Variants in SLC4A4 observed in about 807,000 individuals in gnomAD.
SLC4A4 encodes electrogenic sodium bicarbonate cotransporter 1.
SLC4A4 carries 27 observed loss-of-function variants against 111.5 expected under a neutral mutation model. The observed-to-expected ratio is 0.24, with a 90% CI of 0.18 to 0.33. The LOEUF (loss-of-function observed/expected upper bound fraction) is 0.33, where lower values mean the gene tolerates loss of function less well. Among genes scored for constraint, SLC4A4 ranks in the 10% least tolerant of loss-of-function variants. The pLI is 1.00. For synonymous variants in SLC4A4, 443 were observed against 463.4 expected, an observed-to-expected ratio of 0.96 and a Z score of 0.57; for missense variants, 909 against 1,315.5, an observed-to-expected ratio of 0.69 and a Z score of 4.78.
At chr4:71,177,815 T>C (rs1745147744) in intron 2 of SLC4A4, among the ~76,000 whole-genome samples, 1 of 152,188 alleles carries the variant, frequency 6.6e-6, no homozygotes, top group African/African-American at 2.4e-5. Context: ...AACTCAGCTC[T>C]GCACCAAGCG....
chr4:71,267,412 G>A (rs992084449), intron 3 of SLC4A4, among the ~76,000 whole-genome samples: 2 of 152,180 alleles, frequency 1.3e-5, no homozygotes, highest in Non-Finnish European at 2.9e-5. Flanking sequence ...CACAAAACAA[G>A]GCTCTGGGCC....
In SLC4A4 at chr4:71,537,501, C is replaced by G. The variant is rs112126654; in HGVS notation, c.2442+3113C>G. Among the ~76,000 whole-genome samples, 583 of 151,066 alleles carry G rather than the reference C, an allele frequency of 3.9e-3. 6 individuals are homozygous for G. Among genetic ancestry groups the G allele is most frequent in the Middle Eastern group, 0.014 (4 of 292 alleles). On this transcript the variant is annotated intron_variant, in intron 18 of 25. Transcript: ENST00000264485. ...AGCCCAAGACTAATTTATAAAAGGCCAGATAACTTTAAACTACAAGTTTGC... is the reference window on the plus strand; with the variant it reads ...AGCCCAAGACTAATTTATAAAAGGCGAGATAACTTTAAACTACAAGTTTGC...
chr4:71,229,948 C>T (rs1230468695), intron 1 of SLC4A4, among the ~76,000 whole-genome samples: 5 of 151,486 alleles, frequency 3.3e-5, no homozygotes, highest in East Asian at 2.0e-4. Context: ...CCACTGAGAT[C>T]GCTCTTCCCT....
chr4:71,342,602 T>C (rs539848198), intron 4 of SLC4A4, among the ~76,000 whole-genome samples: 21 of 152,354 alleles, frequency 1.4e-4, no homozygotes, highest in Non-Finnish European at 2.6e-4. Context: ...ACTTTGACTT[T>C]CTTATTTTCA....
intron 3 of SLC4A4, among the ~76,000 whole-genome samples, chr4:71,295,564 G>A (rs1050787994): frequency 2.6e-5 from 4 of 152,142 alleles, no homozygotes; most frequent in African/African-American, 9.7e-5. Context: ...AACCCTTAAT[G>A]ATGTCACTTA....
At chr4:71,347,889 AT>A in intron 4 of SLC4A4, among the ~76,000 whole-genome samples, 1 of 152,280 alleles carries the variant, frequency 6.6e-6, no homozygotes, top group South Asian at 2.1e-4. Flanking sequence ...GAAAATAAGC[AT>A]ACTCTTAGGA....
At chr4:71,093,228 C>T (rs867773551) in intron 2 of SLC4A4, among the ~76,000 whole-genome samples, 23 of 151,644 alleles carry the variant, frequency 1.5e-4, no homozygotes, top group African/African-American at 3.9e-4. Context: ...AGTGCACTGG[C>T]GTCATCTTGG....
At chr4:71,109,158 T>TGTTTTC (rs373396410) in intron 2 of SLC4A4, among the ~76,000 whole-genome samples, 2 of 152,184 alleles carry the variant, frequency 1.3e-5, no homozygotes, top group Non-Finnish European at 2.9e-5. Flanking sequence ...TTTTTGTTTT[T>TGTTTTC]TGATTGCTGT....
At chr4:71,291,079 G>T (rs570841788) in intron 3 of SLC4A4, among the ~76,000 whole-genome samples, 1 of 152,166 alleles carries the variant, frequency 6.6e-6, no homozygotes, top group Non-Finnish European at 1.5e-5. Flanking sequence ...CATGCCAAAA[G>T]AACAGAGCCA....
intron 3 of SLC4A4, among the ~76,000 whole-genome samples, chr4:71,330,884 A>T (rs1365731202): frequency 2.6e-5 from 4 of 152,066 alleles, no homozygotes; most frequent in Admixed American, 6.5e-5. Context: ...AAACAAATTT[A>T]CAAGAAAAAA....
At chr4:71,236,272 A>G in intron 1 of SLC4A4, 1 of 1,038,040 alleles carries the variant, frequency 9.6e-7, no homozygotes, top group Non-Finnish European at 1.2e-6. Context: ...TTTTAAAAAG[A>G]ATTTTAAAAC....
At chr4:71,437,273 A>G in intron 7 of SLC4A4, 3 of 367,164 alleles carry the variant, frequency 8.2e-6, no homozygotes, top group Non-Finnish European at 1.6e-5. Context: ...AAGAAACGGA[A>G]ATGGGGAGTG....
intron 18 of SLC4A4, among the ~76,000 whole-genome samples, chr4:71,535,388 TA>T (rs1734325349): frequency 2.0e-5 from 3 of 152,224 alleles, no homozygotes; most frequent in African/African-American, 7.2e-5. Flanking sequence ...AGGGAGAACT[TA>T]AAAAGCTGTA....
At chr4:71,233,449 G>A (rs1719581084) in intron 1 of SLC4A4, 1 of 264,226 alleles carries the variant, frequency 3.8e-6, no homozygotes, top group Non-Finnish European at 5.9e-6. Flanking sequence ...ACTCTTGCCT[G>A]GATTCTTACC....
At chr4:71,244,070 A>C (rs1209289586) in intron 2 of SLC4A4, among the ~76,000 whole-genome samples, 6 of 152,204 alleles carry the variant, frequency 3.9e-5, no homozygotes, top group Admixed American at 3.9e-4. Context: ...TTGATTATTA[A>C]ATTTTCAACA....
intron 7 of SLC4A4, among the ~76,000 whole-genome samples, chr4:71,433,958 A>G (rs980129768): frequency 6.6e-6 from 1 of 152,054 alleles, no homozygotes; most frequent in Non-Finnish European, 1.5e-5. Context: ...CAAAAGCATA[A>G]TGTTGAATTA....
intron 7 of SLC4A4, among the ~76,000 whole-genome samples, chr4:71,411,891 G>T (rs1174499661): frequency 1.3e-5 from 2 of 152,230 alleles, no homozygotes. Flanking sequence ...ATGAACATCA[G>T]AAGGTTCTTA....
chr4:71,526,228 G>C (rs1733407291), intron 16 of SLC4A4, among the ~76,000 whole-genome samples: 1 of 152,024 alleles, frequency 6.6e-6, no homozygotes, highest in Non-Finnish European at 1.5e-5. Flanking sequence ...TGACTGTGAA[G>C]TTTAAACTGG....
intron 6 of SLC4A4, among the ~76,000 whole-genome samples, chr4:71,393,406 C>A (rs1214426156): frequency 6.6e-6 from 1 of 152,044 alleles, no homozygotes; most frequent in South Asian, 2.1e-4. Context: ...GAATGCATCC[C>A]CTTTTACAAT....
Sources: gnomAD v4.1 joint callset for allele counts (sites outside exome capture counted in the v4.1 genomes callset) on GRCh38, gnomAD v4.1.1 for gene constraint, MANE v1.5 for transcripts, NCBI Gene and HGNC (gene_info 2026-07-23, HGNC 2026-07-21) for gene names.